The following BCAT1 variants were observed in gnomAD, a reference collection of about 807,000 sequenced individuals.
BCAT1 encodes the protein branched chain amino acid transaminase 1.
A neutral mutation model predicts 52.4 loss-of-function variants in BCAT1; 48 were observed. The observed-to-expected ratio is 0.92, with a 90% CI of 0.73 to 1.16. The LOEUF (loss-of-function observed/expected upper bound fraction) is 1.16, where lower values mean the gene tolerates loss of function less well. Among genes scored for constraint, BCAT1 ranks in the 50% most tolerant of loss-of-function variants. The pLI is 0.00. For synonymous variants in BCAT1, 167 were observed against 161.3 expected (o/e 1.04, Z -0.27); for missense variants, 451 against 457.1 (o/e 0.99, Z 0.12).
intron 5 of BCAT1, among the ~76,000 whole-genome samples, chr12:24,872,284 C>T (rs998981884): frequency 2.0e-5 from 3 of 152,206 alleles, no homozygotes; most frequent in African/African-American, 7.2e-5. Context: ...CTTAAGCTCC[C>T]TGTGGAGTGA....
intron 5 of BCAT1, among the ~76,000 whole-genome samples, chr12:24,853,984 T>TA (rs891260367): frequency 3.3e-5 from 5 of 152,192 alleles, no homozygotes; most frequent in African/African-American, 9.7e-5. Context: ...ATGATGTGTT[T>TA]AAAAAAATAA....
At chr12:24,943,751 G>A (rs989061017) in intron 1 of BCAT1, among the ~76,000 whole-genome samples, 6 of 152,100 alleles carry the variant, frequency 3.9e-5, no homozygotes, top group East Asian at 1.9e-4. Flanking sequence ...TTGGGTGGCC[G>A]AGGCGGGCAG....
At chr12:24,863,071 AATTT>A in intron 5 of BCAT1, among the ~76,000 whole-genome samples, 1 of 152,236 alleles carries the variant, frequency 6.6e-6, no homozygotes, top group Admixed American at 6.5e-5. Flanking sequence ...AGATGGTATA[AATTT>A]AACACTTGAT....
intron 3 of BCAT1, among the ~76,000 whole-genome samples, chr12:24,891,771 T>C (rs1295295585): frequency 1.3e-5 from 2 of 151,496 alleles, no homozygotes; most frequent in Non-Finnish European, 2.9e-5. Flanking sequence ...TTTTTTGAGA[T>C]GGAGTCTTGC....
chr12:24,819,287 T>G (rs1940012489), intron 10 of BCAT1, among the ~76,000 whole-genome samples: 1 of 152,144 alleles, frequency 6.6e-6, no homozygotes, highest in African/African-American at 2.4e-5. Context: ...TCACTCAGAC[T>G]ATGTCTATTT....
chr12:24,937,326 A>G (rs1023572779), intron 1 of BCAT1, among the ~76,000 whole-genome samples: 6 of 152,298 alleles, frequency 3.9e-5, no homozygotes, highest in African/African-American at 1.4e-4. Flanking sequence ...GGCCCTGAAG[A>G]AAAAGAGTTT....
At chr12:24,839,422 A>T (rs909078910) in intron 7 of BCAT1, among the ~76,000 whole-genome samples, 3 of 152,158 alleles carry the variant, frequency 2.0e-5, no homozygotes. Flanking sequence ...GTGACTGTGA[A>T]CTCAACCACA....
chr12:24,917,437 C>T (rs1360748186), intron 1 of BCAT1, among the ~76,000 whole-genome samples: 1 of 152,180 alleles, frequency 6.6e-6, no homozygotes, highest in African/African-American at 2.4e-5. Context: ...CTGCCTTGGC[C>T]TCCCAAAGTG....
intron 2 of BCAT1, among the ~76,000 whole-genome samples, chr12:24,896,117 G>A (rs1462466088): frequency 6.6e-6 from 1 of 152,012 alleles, no homozygotes; most frequent in East Asian, 1.9e-4. Flanking sequence ...ACCTCCCAAA[G>A]TTCTAAGATT....
intron 4 of BCAT1, among the ~76,000 whole-genome samples, chr12:24,880,354 G>A (rs1048036475): frequency 3.3e-5 from 5 of 152,180 alleles, no homozygotes; most frequent in African/African-American, 1.2e-4. Flanking sequence ...ATACTAAGGA[G>A]GCTGAGGCAC....
chr12:24,943,712 C>T (rs186145630), intron 1 of BCAT1, among the ~76,000 whole-genome samples: 47 of 152,162 alleles, frequency 3.1e-4, no homozygotes, highest in South Asian at 6.2e-4. Context: ...AGGCCGGGAG[C>T]GGTGGCTCAC....
intron 9 of BCAT1, among the ~76,000 whole-genome samples, chr12:24,831,314 T>G (rs565685864): frequency 6.6e-6 from 1 of 152,182 alleles, no homozygotes; most frequent in South Asian, 2.1e-4. Flanking sequence ...AGGCTTCCGG[T>G]GAACAGCAGG....
chr12:24,914,925 T>C (rs2139708639), intron 1 of BCAT1, among the ~76,000 whole-genome samples: 2 of 152,282 alleles, frequency 1.3e-5, no homozygotes, highest in East Asian at 3.9e-4. Flanking sequence ...AAAAAAACAA[T>C]TATCAAGACT....
At chr12:24,934,152 C>T (rs192659214) in intron 1 of BCAT1, among the ~76,000 whole-genome samples, 88 of 152,320 alleles carry the variant, frequency 5.8e-4, no homozygotes, top group Non-Finnish European at 1.1e-3. Context: ...CAAGGACTCC[C>T]GTACCCTCAC....
chr12:24,836,445 G>T, intron 8 of BCAT1, 66 bp downstream of exon 8: 1 of 1,346,546 alleles, frequency 7.4e-7, no homozygotes, highest in Non-Finnish European at 1.0e-6. Flanking sequence ...TCAACACTAG[G>T]CTGGGCTTAT....
At chr12:24,889,748 C>T (rs954432452) in intron 3 of BCAT1, among the ~76,000 whole-genome samples, 12 of 152,248 alleles carry the variant, frequency 7.9e-5, no homozygotes, top group African/African-American at 1.9e-4. Flanking sequence ...CCAGCACTTT[C>T]GGAGGCAGAG....
chr12:24,873,144 A>G (rs988860192), intron 5 of BCAT1, among the ~76,000 whole-genome samples: 2 of 152,248 alleles, frequency 1.3e-5, no homozygotes, highest in African/African-American at 4.8e-5. Context: ...AGTATCCAAT[A>G]TTGAACATGA....
intron 1 of BCAT1, among the ~76,000 whole-genome samples, chr12:24,927,979 G>A (rs562617417): frequency 2.0e-5 from 3 of 152,138 alleles, no homozygotes; most frequent in Non-Finnish European, 4.4e-5. Context: ...TTAAAAGACC[G>A]GTATGATCTG....
intron 3 of BCAT1, among the ~76,000 whole-genome samples, chr12:24,890,069 G>A (rs1321966719): frequency 6.6e-6 from 1 of 152,164 alleles, no homozygotes; most frequent in Non-Finnish European, 1.5e-5. Context: ...ACACTTTGCA[G>A]TATCCTTTAT....
Sources: gnomAD v4.1 joint callset for allele counts (sites outside exome capture counted in the v4.1 genomes callset) on GRCh38, gnomAD v4.1.1 for gene constraint, MANE v1.5 for transcripts, NCBI Gene and HGNC (gene_info 2026-07-23, HGNC 2026-07-21) for gene names.